Variants in EYS observed in about 807,000 individuals in gnomAD.
EYS encodes EGF-like photoreceptor maintenance factor.
Under a neutral mutation model 282.1 loss-of-function variants are expected in EYS, and 250 were observed. That is an observed-to-expected ratio of 0.89 (90% CI 0.80 to 0.98). The LOEUF is 0.98. Among genes scored for constraint, EYS ranks in the 50% least tolerant of loss-of-function variants. The probability of loss-of-function intolerance (pLI) is 0.00; values close to 1 mark genes in which losing one functional copy is unlikely to be tolerated. For synonymous variants in EYS, 1,355 were observed against 1,282.9 expected (o/e 1.06, Z -1.20); for missense variants, 4,016 against 3,709.0 (o/e 1.08, Z -2.15).
At chr6:63,953,829 A>G (rs1765700304) in intron 35 of EYS, among the ~76,000 whole-genome samples, 2 of 152,188 alleles carry the variant, frequency 1.3e-5, no homozygotes, top group Non-Finnish European at 2.9e-5. Flanking sequence ...AAGAGCTGGG[A>G]CCATGCCCTG....
intron 5 of EYS, among the ~76,000 whole-genome samples, chr6:65,444,985 C>T (rs1384692327): frequency 2.6e-5 from 4 of 151,766 alleles, no homozygotes; most frequent in Non-Finnish European, 5.9e-5. Flanking sequence ...CATCCAAATA[C>T]TTTATGCATA....
At chr6:64,796,331 G>A (rs4710284) in intron 22 of EYS, among the ~76,000 whole-genome samples, 75,445 of 151,848 alleles carry the variant, frequency 0.5, 20,160 homozygotes, top group Admixed American at 0.64. Flanking sequence ...TGTAGAATAA[G>A]TAGCAAGGAG....
In EYS at chr6:65,309,772, C is replaced by T. The variant is rs567244535; in HGVS notation, c.1767-13653G>A. On this transcript the variant is annotated intron_variant, in intron 11 of 42. Coordinates refer to ENST00000503581, the MANE Select transcript of EYS (RefSeq NM_001142800.2). Reference sequence around the variant, plus strand: ...AATTCTATGGTTATCCTTTATGTATCTTTCCCCTTGCCTCTTACTGCCAAT... The same window carrying T: ...AATTCTATGGTTATCCTTTATGTATTTTTCCCCTTGCCTCTTACTGCCAAT... Among the ~76,000 whole-genome samples the T allele has an allele frequency of 1.7e-4, 26 of 152,320 alleles. 1 individual carries two copies. The South Asian group carries it at 5.4e-3, about 32-fold the overall frequency.
intron 35 of EYS, among the ~76,000 whole-genome samples, chr6:63,933,456 C>T (rs533623680): frequency 1.3e-5 from 2 of 152,306 alleles, no homozygotes; most frequent in Admixed American, 6.5e-5. Flanking sequence ...ATGTGCCCAC[C>T]TCGGCCTCCC....
At chr6:63,814,562 A>G (rs1207414299) in intron 36 of EYS, among the ~76,000 whole-genome samples, 5 of 152,224 alleles carry the variant, frequency 3.3e-5, no homozygotes, top group African/African-American at 4.8e-5. Context: ...TTACATTAAG[A>G]TAGAAAAACT....
chr6:65,523,635 TA>T (rs1348140192), intron 2 of EYS, among the ~76,000 whole-genome samples: 6 of 152,190 alleles, frequency 3.9e-5, no homozygotes, highest in East Asian at 1.9e-4. Context: ...TATATGTCTA[TA>T]AAAAATTGTG....
intron 13 of EYS, among the ~76,000 whole-genome samples, chr6:65,032,454 G>T (rs1442565529): frequency 6.6e-6 from 1 of 152,184 alleles, no homozygotes; most frequent in Non-Finnish European, 1.5e-5. Context: ...TCTCTGTGAT[G>T]ATGAATGAGT....
intron 2 of EYS, among the ~76,000 whole-genome samples, chr6:65,632,591 T>A (rs556395085): frequency 9.2e-5 from 14 of 152,246 alleles, no homozygotes; most frequent in Non-Finnish European, 7.3e-5. Context: ...TATCAATTAC[T>A]ATCCTCATTT....
At chr6:64,347,775 T>G (rs1771464733) in intron 29 of EYS, among the ~76,000 whole-genome samples, 1 of 151,334 alleles carries the variant, frequency 6.6e-6, no homozygotes, top group Admixed American at 6.6e-5. Flanking sequence ...TGTCTTTTCC[T>G]TATCTACCCC....
intron 26 of EYS, among the ~76,000 whole-genome samples, chr6:64,501,807 G>T (rs1253224081): frequency 6.6e-6 from 1 of 152,144 alleles, no homozygotes; most frequent in East Asian, 1.9e-4. Flanking sequence ...GGGCAAGTGA[G>T]CTTCCCTGGC....
chr6:64,671,355 A>T (rs1769456537), intron 22 of EYS, among the ~76,000 whole-genome samples: 1 of 152,120 alleles, frequency 6.6e-6, no homozygotes, highest in Non-Finnish European at 1.5e-5. Flanking sequence ...ATGTTCTACC[A>T]TGTGGGGACA....
chr6:63,804,613 G>A (rs894902815), intron 37 of EYS, among the ~76,000 whole-genome samples: 5 of 152,198 alleles, frequency 3.3e-5, no homozygotes, highest in Non-Finnish European at 5.9e-5. Flanking sequence ...ACTGGAAGAA[G>A]AGCTGTAGGA....
intron 14 of EYS, among the ~76,000 whole-genome samples, chr6:64,967,169 T>C (rs1204659868): frequency 6.6e-6 from 1 of 152,166 alleles, no homozygotes; most frequent in African/African-American, 2.4e-5. Flanking sequence ...CCATACTCAG[T>C]CCTACTTCAT....
chr6:65,592,610 T>G (rs1354601690), intron 2 of EYS, among the ~76,000 whole-genome samples: 1 of 151,956 alleles, frequency 6.6e-6, no homozygotes, highest in Non-Finnish European at 1.5e-5. Flanking sequence ...CTATTCTCAT[T>G]TAGACATGAG....
At chr6:64,653,820 C>T (rs1418279299) in intron 22 of EYS, among the ~76,000 whole-genome samples, 1 of 151,592 alleles carries the variant, frequency 6.6e-6, no homozygotes, top group Non-Finnish European at 1.5e-5. Flanking sequence ...CCGCCTCTGC[C>T]TCCCAGAATG....
At chr6:63,934,697 A>C (rs1056849237) in intron 35 of EYS, among the ~76,000 whole-genome samples, 1 of 147,552 alleles carries the variant, frequency 6.8e-6, no homozygotes, top group Non-Finnish European at 1.5e-5. Flanking sequence ...GGAATTGAAC[A>C]ATGAGAACAC....
intron 26 of EYS, among the ~76,000 whole-genome samples, chr6:64,479,175 A>G (rs945430404): frequency 2.0e-4 from 31 of 152,132 alleles, no homozygotes; most frequent in African/African-American, 6.7e-4. Flanking sequence ...TTAGCATTAC[A>G]GTTCTTTATG....
At chr6:63,860,568 G>A (rs967452841) in intron 36 of EYS, among the ~76,000 whole-genome samples, 3 of 152,182 alleles carry the variant, frequency 2.0e-5, no homozygotes, top group African/African-American at 4.8e-5. Context: ...GTGAAATCAC[G>A]CACAAGTTGC....
At chr6:65,029,942 C>T (rs553386785) in intron 13 of EYS, among the ~76,000 whole-genome samples, 322 of 152,232 alleles carry the variant, frequency 2.1e-3, no homozygotes, top group Admixed American at 5.6e-3. Flanking sequence ...ATGGCCCACT[C>T]TCACTATGGA....
Sources: allele counts gnomAD v4.1 joint callset (sites outside exome capture counted in the v4.1 genomes callset), GRCh38; gene constraint gnomAD v4.1.1; transcripts MANE v1.5; gene names NCBI Gene and HGNC (gene_info 2026-07-23, HGNC 2026-07-21).